Variants in EIF4EBP1 observed in about 807,000 individuals in gnomAD.
EIF4EBP1 encodes the protein eukaryotic translation initiation factor 4E-binding protein 1.
EIF4EBP1 carries 5 observed loss-of-function variants against 9.2 expected under a neutral mutation model. That is an observed-to-expected ratio of 0.54 (90% confidence interval 0.28 to 1.14). The LOEUF (loss-of-function observed/expected upper bound fraction) is 1.14, where lower values mean the gene tolerates loss of function less well. Among genes scored for constraint, EIF4EBP1 ranks in the 50% most tolerant of loss-of-function variants. The pLI is 0.09. For missense variants in EIF4EBP1, 139 were observed against 169.6 expected, an observed-to-expected ratio of 0.82 and a Z score of 1.00; for synonymous variants, 62 against 67.0, an observed-to-expected ratio of 0.93 and a Z score of 0.36.
At chr8:38,038,079 A>G (rs1243080536) in intron 1 of EIF4EBP1, among the ~76,000 whole-genome samples, 1 of 152,076 alleles carries the variant, frequency 6.6e-6, no homozygotes, top group African/African-American at 2.4e-5. Flanking sequence ...GCCAGAGAAT[A>G]ACCTTCTCTG....
intron 1 of EIF4EBP1, among the ~76,000 whole-genome samples, chr8:38,043,367 C>CT (rs60303823): frequency 0.016 from 2,294 of 139,500 alleles, 45 homozygotes; most frequent in African/African-American, 0.036. Flanking sequence ...TTTTCTTTTT[C>CT]TTTTTTTTTT....
intron 1 of EIF4EBP1, among the ~76,000 whole-genome samples, chr8:38,056,690 G>A (rs1809599405): frequency 6.7e-6 from 1 of 150,226 alleles, no homozygotes; most frequent in Non-Finnish European, 1.5e-5. Flanking sequence ...TTATGAAAAG[G>A]AGTCTCGCTC....
chr8:38,047,342 A>T (rs1043243980), intron 1 of EIF4EBP1: 4 of 152,344 alleles, frequency 2.6e-5, no homozygotes, highest in Middle Eastern at 3.4e-3. Context: ...TGAGACCAGC[A>T]CACCTACTTT....
intron 1 of EIF4EBP1, among the ~76,000 whole-genome samples, chr8:38,043,160 A>G (rs931865947): frequency 1.3e-5 from 2 of 152,070 alleles, no homozygotes; most frequent in Non-Finnish European, 2.9e-5. Context: ...AGCAATCACT[A>G]CTGTTTGTAA....
Position 38,060,018 on chromosome 8 carries a change from A to G in EIF4EBP1, c.*83A>G, listed in dbSNP as rs940689319. On this transcript the variant is annotated 3_prime_UTR_variant, in exon 3 of 3. Coordinates refer to ENST00000338825, the MANE Select transcript of EIF4EBP1 (RefSeq NM_004095.4). The stretch of plus-strand genomic sequence containing the variant: ...AGTCCCACCAGCCAGGCCTTATGAA[A>G]GTGATCATACTGGGCAGGCGTTGGC... The G allele has an allele frequency of 2.3e-5, 33 of 1,412,778 alleles. No homozygotes were observed. In the African/African-American group the frequency reaches 4.4e-4, roughly 19 times the overall value. The allele number at this position is 1,412,778 out of a possible 1,614,324, so 87.5% of individuals were successfully genotyped here.
rs879714030 is a variant in EIF4EBP1 at position 38,035,710 on chromosome 8, T to TTTA, written c.145+5001_145+5003dup. On this transcript the variant is annotated intron_variant, in intron 1 of 2. Transcript: ENST00000338825. ...AGCTAATTATTTATTTATTTATTTA[T>TTTA]TTATTATTATTTTCCTCAAGATGGA... is the stretch of plus-strand genomic sequence containing the variant. Among the ~76,000 whole-genome samples the TTTA allele has an allele frequency of 1.7e-3, 253 of 148,842 alleles. 1 individual carries two copies. Among genetic ancestry groups the TTTA allele is most frequent in the Admixed American group, 3.8e-3 (57 of 14,952 alleles).
chr8:38,055,287 G>GA (rs961490524), intron 1 of EIF4EBP1, among the ~76,000 whole-genome samples: 2 of 152,032 alleles, frequency 1.3e-5, no homozygotes, highest in Non-Finnish European at 2.9e-5. Context: ...TGAGCATCAA[G>GA]AAATGAATCT....
chr8:38,039,827 C>T (rs1411753929), intron 1 of EIF4EBP1, among the ~76,000 whole-genome samples: 4 of 152,164 alleles, frequency 2.6e-5, no homozygotes, highest in East Asian at 1.9e-4. Context: ...CCAATATTAC[C>T]GAACAGGGAG....
intron 1 of EIF4EBP1, among the ~76,000 whole-genome samples, chr8:38,041,262 C>T (rs954903327): frequency 2.0e-5 from 3 of 152,048 alleles, no homozygotes; most frequent in Admixed American, 6.6e-5. Context: ...CCACCACGCC[C>T]GGCTAATTTT....
At position 38,035,317 on chromosome 8, in the gene EIF4EBP1, A is replaced by G. The variant is rs188462179; in HGVS notation, c.145+4599A>G. Among the ~76,000 whole-genome samples the G allele has an allele frequency of 5.5e-3, 838 of 152,206 alleles. 8 individuals carry two copies. The highest frequency in any genetic ancestry group is 0.019 in the African/African-American group (791 of 41,540). On this transcript the variant is annotated intron_variant, in intron 1 of 2. Coordinates refer to ENST00000338825, the MANE Select transcript of EIF4EBP1 (RefSeq NM_004095.4). ...ACTGCAACCTACGCCTCCTGGGTTC[A>G]AGTGATTCTCCTGCCTCAGCCTCCC...
intron 1 of EIF4EBP1, chr8:38,047,209 G>A (rs975332736): frequency 2.0e-5 from 3 of 152,134 alleles, no homozygotes; most frequent in Non-Finnish European, 4.4e-5. Context: ...ACTTGTTTAC[G>A]GGTCTTTCTC....
intron 1 of EIF4EBP1, among the ~76,000 whole-genome samples, chr8:38,048,263 A>T (rs1464940468): frequency 6.6e-6 from 1 of 151,344 alleles, no homozygotes; most frequent in Non-Finnish European, 1.5e-5. Context: ...ACAGAGCAAG[A>T]CCCTGTTTCA....
intron 1 of EIF4EBP1, among the ~76,000 whole-genome samples, chr8:38,049,949 T>C (rs1301899135): frequency 6.6e-6 from 1 of 151,478 alleles, no homozygotes; most frequent in Non-Finnish European, 1.5e-5. Context: ...TGTTTCTCTG[T>C]CCCCAGGCCC....
chr8:38,053,783 G>A (rs1809556097), intron 1 of EIF4EBP1, among the ~76,000 whole-genome samples: 1 of 152,164 alleles, frequency 6.6e-6, no homozygotes, highest in South Asian at 2.1e-4. Context: ...ATTATGCTAA[G>A]TGAAATAAGC....
chr8:38,041,574 C>A (rs562613198), intron 1 of EIF4EBP1, among the ~76,000 whole-genome samples: 1 of 152,294 alleles, frequency 6.6e-6, no homozygotes, highest in African/African-American at 2.4e-5. Context: ...GGACCAGGTG[C>A]AGAAGCCGAC....
intron 1 of EIF4EBP1, among the ~76,000 whole-genome samples, chr8:38,038,784 A>C (rs1010125201): frequency 2.0e-5 from 3 of 152,024 alleles, no homozygotes; most frequent in African/African-American, 7.2e-5. Context: ...TAGCCCCACA[A>C]ACATGAGGAC....
intron 2 of EIF4EBP1, 52 bp downstream of exon 2, chr8:38,057,312 G>T: frequency 6.5e-7 from 1 of 1,542,916 alleles, no homozygotes; most frequent in Middle Eastern, 2.0e-4. Flanking sequence ...AATGTATGAG[G>T]CTCCTGGAGT....
intron 1 of EIF4EBP1, among the ~76,000 whole-genome samples, chr8:38,056,638 C>T (rs1030475430): frequency 1.7e-4 from 25 of 150,602 alleles, no homozygotes; most frequent in Non-Finnish European, 2.4e-4. Flanking sequence ...GCAGCCAGGC[C>T]CCCAAATAAG....
chr8:38,053,387 GATCTCAGCTCACTGGAGCGCAGTGGCGCC>G (rs997069690), intron 1 of EIF4EBP1, among the ~76,000 whole-genome samples: 73 of 151,918 alleles, frequency 4.8e-4, no homozygotes, highest in Admixed American at 5.2e-4. Context: ...GCAGCGGCGC[GATCTCAGCTCACTGGAGCGCAGTGGCGCC>G]ATCTCAGCTC....
Sources: gnomAD v4.1 joint callset for allele counts (sites outside exome capture counted in the v4.1 genomes callset) on GRCh38, gnomAD v4.1.1 for gene constraint, MANE v1.5 for transcripts, NCBI Gene and HGNC (gene_info 2026-07-23, HGNC 2026-07-21) for gene names.